The following BICRAL variants were observed in gnomAD, a reference collection of about 807,000 sequenced individuals.
The protein encoded by BICRAL is BICRA like chromatin remodeling complex associated protein, also known as BRD4-interacting chromatin-remodeling complex-associated protein-like.
In BICRAL, 8 loss-of-function variants were observed where a neutral mutation model predicts 91.8. The observed-to-expected ratio is 0.09, with a 90% CI of 0.05 to 0.16. The LOEUF (loss-of-function observed/expected upper bound fraction) is 0.16. Ranked by LOEUF, BICRAL falls within the 10% of genes least tolerant of loss-of-function variation. BICRAL has a pLI of 1.00. For synonymous variants in BICRAL, 445 were observed against 491.1 expected, an observed-to-expected ratio of 0.91 and a Z score of 1.24; for missense variants, 1,038 against 1,310.9, an observed-to-expected ratio of 0.79 and a Z score of 3.21.
At chr6:42,812,433 A>G (rs944848577) in intron 2 of BICRAL, among the ~76,000 whole-genome samples, 1 of 152,190 alleles carries the variant, frequency 6.6e-6, no homozygotes, top group African/African-American at 2.4e-5. Context: ...CCTCTTCAAA[A>G]AAAATTTGTT....
intron 1 of BICRAL, among the ~76,000 whole-genome samples, chr6:42,765,254 G>A (rs1449374094): frequency 6.6e-6 from 1 of 152,196 alleles, no homozygotes; most frequent in Admixed American, 6.5e-5. Flanking sequence ...AGTGAAAGAG[G>A]CTGATTTGGA....
intron 1 of BICRAL, among the ~76,000 whole-genome samples, chr6:42,751,193 A>C (rs889887072): frequency 2.6e-5 from 4 of 151,668 alleles, no homozygotes; most frequent in African/African-American, 9.7e-5. Context: ...TTTATTTGAA[A>C]GATGTGGTCA....
upstream of BICRAL, among the ~76,000 whole-genome samples, chr6:42,778,943 G>A (rs987852505): frequency 3.0e-4 from 46 of 151,950 alleles, no homozygotes; most frequent in Middle Eastern, 3.4e-3. Context: ...TCAGCCTCCT[G>A]AGTAGTTGGG....
chr6:42,806,682 T>C (rs1194040197), intron 1 of BICRAL, among the ~76,000 whole-genome samples: 1 of 149,142 alleles, frequency 6.7e-6, no homozygotes, highest in East Asian at 2.0e-4. Flanking sequence ...CCAGCTAATT[T>C]TTATATTTTT....
chr6:42,861,055 G>A (rs1457804273), intron 11 of BICRAL, among the ~76,000 whole-genome samples: 1 of 152,196 alleles, frequency 6.6e-6, no homozygotes, highest in Non-Finnish European at 1.5e-5. Flanking sequence ...GAAGCTGGAA[G>A]GCAGAGGTTG....
Position 42,820,728 on chromosome 6 carries a change from T to G in BICRAL, c.-5-1290T>G, listed in dbSNP as rs548454010. ...CCTTTTGGTATCTTTTCCCACTGCT[T>G]CTTCCTCCTTTCTCAACCATCATTT... On this transcript the variant is annotated intron_variant, in intron 2 of 12. Coordinates refer to ENST00000314073, the MANE Select transcript of BICRAL (RefSeq NM_001393499.1). Among the ~76,000 whole-genome samples the G allele has an allele frequency of 1.4e-4, 21 of 152,288 alleles. No homozygotes were observed. In the East Asian group the frequency reaches 1.5e-3, roughly 11 times the overall value.
chr6:42,766,770 G>A (rs1762638720), intron 1 of BICRAL, among the ~76,000 whole-genome samples: 1 of 152,058 alleles, frequency 6.6e-6, no homozygotes, highest in African/African-American at 2.4e-5. Context: ...GCCGGGTGCC[G>A]TGGCTCACAC....
chr6:42,779,781 C>T (rs774079040), upstream of BICRAL, among the ~76,000 whole-genome samples: 7 of 152,014 alleles, frequency 4.6e-5, no homozygotes, highest in South Asian at 1.0e-3. Flanking sequence ...CCACCATGCC[C>T]GGCTAATTTT....
Position 42,822,804 on chromosome 6 carries a change from A to G in BICRAL, c.50A>G (p.Gln17Arg). 2 of 1,548,916 alleles carry G rather than the reference A, an allele frequency of 1.3e-6. No homozygotes were observed. Among genetic ancestry groups the G allele is most frequent in the East Asian group, 4.5e-5 (2 of 44,468 alleles). Residue 17 changes from glutamine (Q) to arginine (R), a missense_variant, in exon 4 of 13, where the codon CAA becomes CGA. Gln to Arg is a conservative substitution (Grantham distance 43). This residue lies in a region of BICRAL where 115 missense variants were observed against 121.5 expected (regional missense o/e 0.95). Transcript: ENST00000314073. ...SCLLDLIGDP[Q>R]ALNYFLHGPS... is the part of the protein sequence containing the mutation. Reference sequence around the variant, plus strand: ...TTTCCTCTCTTTTCTAGAGACCCACAAGCATTGAACTATTTTCTACATGGA... The same window carrying G: ...TTTCCTCTCTTTTCTAGAGACCCACGAGCATTGAACTATTTTCTACATGGA...
chr6:42,788,078 T>G (rs1763153952), intron 1 of BICRAL, among the ~76,000 whole-genome samples: 2 of 151,930 alleles, frequency 1.3e-5, no homozygotes, highest in Admixed American at 1.3e-4. Flanking sequence ...AAAAAAAATT[T>G]TTTTTATAGA....
chr6:42,801,160 G>A (rs1344540949), intron 1 of BICRAL, among the ~76,000 whole-genome samples: 2 of 151,654 alleles, frequency 1.3e-5, no homozygotes, highest in African/African-American at 2.4e-5. Context: ...GCTAAAACAG[G>A]GGAATTGCTA....
chr6:42,819,244 G>A (rs143340467), intron 2 of BICRAL, among the ~76,000 whole-genome samples: 2 of 152,138 alleles, frequency 1.3e-5, no homozygotes, highest in African/African-American at 4.8e-5. Context: ...ATTAGTGACT[G>A]ATCTTCAGAT....
intron 1 of BICRAL, among the ~76,000 whole-genome samples, chr6:42,759,489 G>C (rs1251813296): frequency 2.0e-5 from 3 of 152,188 alleles, no homozygotes; most frequent in African/African-American, 7.2e-5. Context: ...AGGAAAGAAG[G>C]GGGAGTGTCT....
chr6:42,866,995 C>A lies in BICRAL; in HGVS notation c.*1549C>A. The A allele has an allele frequency of 2.5e-6, 1 of 401,068 alleles. No individual in the cohort carries two copies. Among genetic ancestry groups the A allele is most frequent in the Non-Finnish European group, 5.0e-6 (1 of 198,998 alleles). 24.8% of individuals were successfully genotyped at this position (401,068 alleles called of 1,614,324 possible). On this transcript the variant is annotated 3_prime_UTR_variant, in exon 13 of 13. Coordinates refer to ENST00000314073, the MANE Select transcript of BICRAL (RefSeq NM_001393499.1). ...TTTTGTTACAGTGTGTGCACACTCA[C>A]TCTCCTTCTTAGTGTGCATACTCTC...
chr6:42,807,675 G>A (rs1478987886), intron 1 of BICRAL, among the ~76,000 whole-genome samples: 2 of 151,328 alleles, frequency 1.3e-5, no homozygotes, highest in East Asian at 2.0e-4. Flanking sequence ...GCGTGGTGGC[G>A]CGTGCTTGTA....
intron 1 of BICRAL, among the ~76,000 whole-genome samples, chr6:42,783,969 T>TA (rs1307087526): frequency 1.3e-5 from 2 of 151,900 alleles, no homozygotes; most frequent in East Asian, 1.9e-4. Flanking sequence ...GTTACAAAAC[T>TA]AAAAAAAAGA....
intron 1 of BICRAL, among the ~76,000 whole-genome samples, chr6:42,797,672 TAAA>T (rs1396119005): frequency 3.9e-5 from 6 of 152,200 alleles, no homozygotes; most frequent in Non-Finnish European, 7.4e-5. Context: ...ACTGTTTTTT[TAAA>T]TTATTAAATT....
At chr6:42,834,081 C>T (rs984209074) in intron 6 of BICRAL, among the ~76,000 whole-genome samples, 1 of 152,066 alleles carries the variant, frequency 6.6e-6, no homozygotes, top group Non-Finnish European at 1.5e-5. Context: ...CTCGAACTCC[C>T]GACCTCAGGT....
At chr6:42,814,503 A>G (rs778738027) in intron 2 of BICRAL, among the ~76,000 whole-genome samples, 6 of 79,146 alleles carry the variant, frequency 7.6e-5, no homozygotes, top group African/African-American at 3.7e-4. Context: ...GTGTGTGTAT[A>G]TATATATATA....
Sources: gnomAD v4.1 joint callset for allele counts (sites outside exome capture counted in the v4.1 genomes callset) on GRCh38, gnomAD v4.1.1 for gene constraint, gnomAD v4.1.1 regional missense constraint, MANE v1.5 for transcripts, NCBI Gene and HGNC (gene_info 2026-07-23, HGNC 2026-07-21) for gene names.